ACTL6A: variants seen among roughly 807,000 people sequenced by gnomAD.
ACTL6A encodes the protein actin-like protein 6A.
In ACTL6A, 5 loss-of-function variants were observed where a neutral mutation model predicts 59.2. The observed-to-expected ratio is 0.08, with a 90% CI of 0.04 to 0.18. ACTL6A has a LOEUF of 0.18. Ranked by LOEUF, ACTL6A falls within the 10% of genes least tolerant of loss-of-function variation. The pLI is 1.00. For synonymous variants in ACTL6A, 154 were observed against 171.8 expected (o/e 0.90, Z 0.81); for missense variants, 285 against 526.9 (o/e 0.54, Z 4.49).
Position 179,570,511 on chromosome 3 carries a change from A to G in ACTL6A, c.277+270A>G. 3.8e-6 allele frequency: 1 copy of G among 262,972 alleles called. No individual in the cohort carries two copies. 16.3% of individuals were successfully genotyped at this position (262,972 alleles called of 1,614,324 possible). A position where few individuals can be genotyped will look rare whatever the true frequency, so the allele number is the denominator to read the frequency against. ...TAAGTGGTACAATATAGGTATGTGCAATGAGCAATGGGATTAGAGAGGAGA... is the reference window on the plus strand; with the variant it reads ...TAAGTGGTACAATATAGGTATGTGCGATGAGCAATGGGATTAGAGAGGAGA... On this transcript the variant is annotated intron_variant, in intron 3 of 13. Coordinates refer to ENST00000429709, the MANE Select transcript of ACTL6A (RefSeq NM_004301.5). The surrounding 1 kb of genome is among the most constrained non-coding windows in gnomAD (Gnocchi z 4.3).
At position 179,562,960 on chromosome 3, in the gene ACTL6A, C is replaced by T; in HGVS notation, c.-133C>T. The T allele has an allele frequency of 8.1e-7, 1 of 1,235,756 alleles. No individual in the cohort carries two copies. The highest frequency in any genetic ancestry group is 1.1e-6 in the Non-Finnish European group (1 of 871,308). The allele number at this position is 1,235,756 out of a possible 1,614,324, so 76.5% of individuals were successfully genotyped here. On this transcript the variant is annotated 5_prime_UTR_variant, in exon 1 of 14. Transcript: ENST00000429709. ...TGAGCTCCGGGGTGTGTGGACGCCGCTTTGTTGCCTGAGGTGGGTGGCGGT... is the reference window on the plus strand; with the variant it reads ...TGAGCTCCGGGGTGTGTGGACGCCGTTTTGTTGCCTGAGGTGGGTGGCGGT...
chr3:179,578,633 AC>A (rs1418143238), intron 8 of ACTL6A, among the ~76,000 whole-genome samples: 1 of 152,186 alleles, frequency 6.6e-6, no homozygotes, highest in Non-Finnish European at 1.5e-5. Flanking sequence ...AGAAAAAAAA[AC>A]AAATGGTAGT....
rs1717709400 is a variant in ACTL6A at position 179,563,021 on chromosome 3, G to T, written c.-72G>T. 18 of 1,585,016 alleles carry T rather than the reference G, an allele frequency of 1.1e-5. No homozygotes were observed. Among genetic ancestry groups the T allele is most frequent in the South Asian group, 2.3e-5 (2 of 88,754 alleles). On this transcript the variant is annotated 5_prime_UTR_variant, in exon 1 of 14. Coordinates refer to ENST00000429709, the MANE Select transcript of ACTL6A (RefSeq NM_004301.5). ...GGAGTCAGGGGCTATCGCTCCTCGA[G>T]ACTCGCAGTCGCGGCCACTGCAGTC... is the stretch of plus-strand genomic sequence containing the variant.
rs369988047 is a variant in ACTL6A, at chr3:179,576,612, T to C, written c.572-8T>C. 2.1e-5 allele frequency: 33 copies of C among 1,607,150 alleles called. 1 individual carries two copies. The Middle Eastern group carries it at 2.1e-3, about 104-fold the overall frequency. On this transcript the variant is annotated splice_region_variant and splice_polypyrimidine_tract_variant and intron_variant, in intron 6 of 13. Transcript: ENST00000429709. ...TGCCCTCTTAGCCTTGTTTCATCTG[T>C]TTCATAGGCATTGTGAAATCCCCTC...
intron 8 of ACTL6A, among the ~76,000 whole-genome samples, chr3:179,580,357 T>C (rs1313597371): frequency 5.1e-4 from 78 of 152,338 alleles, no homozygotes; most frequent in Non-Finnish European, 1.3e-4. Context: ...GGTTTTGTTA[T>C]GCAGAACTGT....
chr3:179,576,534 A>G, intron 6 of ACTL6A, 86 bp from the exon 7 acceptor site: 7 of 1,054,192 alleles, frequency 6.6e-6, no homozygotes, highest in Non-Finnish European at 8.5e-6. Flanking sequence ...TGAAAAAGTT[A>G]TTCACATAAA....
chr3:179,586,279 G>A (rs1718483813), intron 12 of ACTL6A, among the ~76,000 whole-genome samples: 1 of 151,900 alleles, frequency 6.6e-6, no homozygotes. Context: ...CAAAATTACC[G>A]TATTTTAATC....
At chr3:179,563,268 C>A in intron 1 of ACTL6A, 151 bp downstream of exon 1, 1 of 1,322,272 alleles carries the variant, frequency 7.6e-7, no homozygotes, top group Non-Finnish European at 1.0e-6. Flanking sequence ...CCACGCTCTG[C>A]CCGCCCCCGG....
chr3:179,585,009 C>T (rs982490085), intron 12 of ACTL6A, among the ~76,000 whole-genome samples: 2 of 152,188 alleles, frequency 1.3e-5, no homozygotes, highest in African/African-American at 4.8e-5. Flanking sequence ...ACACAGTTGA[C>T]ATCTGCCTTG....
intron 8 of ACTL6A, among the ~76,000 whole-genome samples, chr3:179,578,915 G>T (rs1576855456): frequency 6.6e-6 from 1 of 152,086 alleles, no homozygotes; most frequent in Admixed American, 6.5e-5. Flanking sequence ...ACAGGTGTGT[G>T]CCACCACACC....
At chr3:179,563,204 T>A in intron 1 of ACTL6A, 87 bp downstream of exon 1, 1 of 1,392,940 alleles carries the variant, frequency 7.2e-7, no homozygotes, top group Non-Finnish European at 9.6e-7. Flanking sequence ...CTCCCCGGCG[T>A]TCCCTTCCGG....
Position 179,570,201 on chromosome 3 carries a change from G to A in ACTL6A, c.237G>A (p.Arg79=), listed in dbSNP as rs113328816. 56 of 1,613,646 alleles carry A rather than the reference G, an allele frequency of 3.5e-5. No homozygotes were observed. The African/African-American group carries it at 6.7e-4, about 19-fold the overall frequency. Residue 79 remains arginine (R), a synonymous_variant, in exon 3 of 14, where the codon AGG becomes AGA. Coordinates refer to ENST00000429709, the MANE Select transcript of ACTL6A (RefSeq NM_004301.5). The surrounding 1 kb of genome is among the most constrained non-coding windows in gnomAD (Gnocchi z 4.3). Reference sequence around the variant, plus strand: ...ATACTAATGCTCTGCGTGTTCCGAGGGAGAATATGGAGGCCATTTCACCTC... The same window carrying A: ...ATACTAATGCTCTGCGTGTTCCGAGAGAGAATATGGAGGCCATTTCACCTC... ...YIDTNALRVP[R]ENMEAISPLK...
At chr3:179,576,012 T>G (rs1025845948) in intron 5 of ACTL6A, among the ~76,000 whole-genome samples, 1 of 152,226 alleles carries the variant, frequency 6.6e-6, no homozygotes, top group Non-Finnish European at 1.5e-5. Flanking sequence ...ACCTCCATTC[T>G]GGAATTCCTG....
intron 1 of ACTL6A, among the ~76,000 whole-genome samples, chr3:179,563,525 A>G (rs974945363): frequency 1.3e-5 from 2 of 152,142 alleles, no homozygotes; most frequent in Non-Finnish European, 2.9e-5. Flanking sequence ...GCGCCCGCCT[A>G]AACTTGGAAG....
chr3:179,585,053 C>T (rs1718443979), intron 12 of ACTL6A, among the ~76,000 whole-genome samples: 2 of 152,052 alleles, frequency 1.3e-5, no homozygotes, highest in South Asian at 4.1e-4. Context: ...TAGAGCATAC[C>T]TGAATTATAA....
At chr3:179,576,398 T>G (rs374596182) in intron 6 of ACTL6A, 87 bp downstream of exon 6, 18 of 1,052,604 alleles carry the variant, frequency 1.7e-5, no homozygotes, top group Admixed American at 2.6e-5. Context: ...GTAGCACTAT[T>G]AAAGCATATC....
chr3:179,575,427 A>G (rs1164470989), intron 5 of ACTL6A: 1 of 456,556 alleles, frequency 2.2e-6, no homozygotes, highest in African/African-American at 2.0e-5. Flanking sequence ...TACTTCACTA[A>G]ACAGGATAAC....
At chr3:179,585,899 G>C (rs1718475018) in intron 12 of ACTL6A, among the ~76,000 whole-genome samples, 1 of 152,168 alleles carries the variant, frequency 6.6e-6, no homozygotes, top group Non-Finnish European at 1.5e-5. Context: ...AAACTAACCT[G>C]ATATCTGATG....
At chr3:179,573,209 A>T in intron 3 of ACTL6A, 160 bp from the exon 4 acceptor site, 1 of 492,520 alleles carries the variant, frequency 2.0e-6, no homozygotes, top group Non-Finnish European at 3.5e-6. Flanking sequence ...AGGCAAAGGT[A>T]ATCTCTATAT....
Sources: allele counts gnomAD v4.1 joint callset (sites outside exome capture counted in the v4.1 genomes callset), GRCh38; gene constraint gnomAD v4.1.1; non-coding constraint Gnocchi (gnomAD v3.1); transcripts MANE v1.5; gene names NCBI Gene and HGNC (gene_info 2026-07-23, HGNC 2026-07-21).